UTP20: variants seen among roughly 807,000 people sequenced by gnomAD.
The protein encoded by UTP20 is UTP20 small subunit processome component.
Under a neutral mutation model 329.5 loss-of-function variants are expected in UTP20, and 164 were observed. The observed-to-expected ratio is 0.50, with a 90% CI of 0.44 to 0.57. The LOEUF (loss-of-function observed/expected upper bound fraction) is 0.57. Among genes scored for constraint, UTP20 ranks in the 20% least tolerant of loss-of-function variants. UTP20 has a pLI of 0.00. For synonymous variants in UTP20, 1,151 were observed against 1,159.3 expected, an observed-to-expected ratio of 0.99 and a Z score of 0.14; for missense variants, 3,055 against 3,284.2, an observed-to-expected ratio of 0.93 and a Z score of 1.71.
At chr12:101,369,983 G>A (rs999014294) in intron 49 of UTP20, 92 bp downstream of exon 49, 29 of 1,314,596 alleles carry the variant, frequency 2.2e-5, no homozygotes, top group Non-Finnish European at 2.7e-5. Context: ...GGAGGCTGAG[G>A]TGGGAGGATT....
intron 21 of UTP20, among the ~76,000 whole-genome samples, chr12:101,313,734 CAGGAAGGAGGGA>C: frequency 6.8e-6 from 1 of 147,568 alleles, no homozygotes; most frequent in South Asian, 2.2e-4. Context: ...GGGAGTGGGA[CAGGAAGGAGGGA>C]GGGAAGGAAT....
intron 25 of UTP20, among the ~76,000 whole-genome samples, chr12:101,322,262 T>C (rs1024782353): frequency 2.0e-5 from 3 of 152,204 alleles, no homozygotes; most frequent in African/African-American, 7.2e-5. Context: ...AGTGCTGGGA[T>C]TACAGGCGTG....
chr12:101,367,811 T>C (rs1389706680), intron 47 of UTP20, 49 bp from the exon 48 acceptor site: 1 of 1,144,872 alleles, frequency 8.7e-7, no homozygotes, highest in South Asian at 1.3e-5. Flanking sequence ...ACCTAACTCA[T>C]CTGGTCTAAT....
rs762086991 is a variant in UTP20, at chr12:101,334,412, C to CT, written c.3562-10dup. On this transcript the variant is annotated splice_polypyrimidine_tract_variant and intron_variant, in intron 28 of 61. Transcript: ENST00000261637. Reference sequence around the variant, plus strand: ...TATGTATTTGGTATTCTGTTTTTTACTTTGTCTCCTAGATCAGCAGGCTTG... The same window carrying CT: ...TATGTATTTGGTATTCTGTTTTTTACTTTTGTCTCCTAGATCAGCAGGCTTG... The CT allele has an allele frequency of 5.9e-5, 95 of 1,607,654 alleles. No homozygotes were observed. The African/African-American group carries it at 8.1e-4, about 14-fold the overall frequency.
At chr12:101,355,296 G>GCA (rs938238930) in intron 41 of UTP20, among the ~76,000 whole-genome samples, 178 bp downstream of exon 41, 3 of 152,148 alleles carry the variant, frequency 2.0e-5, no homozygotes, top group African/African-American at 7.2e-5. Context: ...TTATCCTGCT[G>GCA]CAACTAAGCA....
At chr12:101,316,262 A>G (rs1426066794) in intron 21 of UTP20, among the ~76,000 whole-genome samples, 2 of 152,240 alleles carry the variant, frequency 1.3e-5, no homozygotes, top group Non-Finnish European at 2.9e-5. Flanking sequence ...AAAAGGTGAC[A>G]TTTAGTGAGT....
At chr12:101,315,030 T>A (rs1399568342) in intron 21 of UTP20, among the ~76,000 whole-genome samples, 2 of 152,036 alleles carry the variant, frequency 1.3e-5, no homozygotes, top group Non-Finnish European at 2.9e-5. Context: ...AGGCAGAGGT[T>A]GCAGTGAGCC....
intron 25 of UTP20, among the ~76,000 whole-genome samples, chr12:101,323,924 G>A (rs1445528525): frequency 6.6e-6 from 1 of 152,032 alleles, no homozygotes; most frequent in Non-Finnish European, 1.5e-5. Flanking sequence ...GGATCCCGAG[G>A]TCAGGAGTTG....
At position 101,329,401 on chromosome 12, in the gene UTP20, G is replaced by C; in HGVS notation, c.3369G>C (p.Leu1123=). The C allele has an allele frequency of 1.2e-6, 2 of 1,614,066 alleles. No individual in the cohort carries two copies. The highest frequency in any genetic ancestry group is 1.7e-6 in the Non-Finnish European group (2 of 1,179,994). The change falls in exon 27 of 62, where the codon CTG becomes CTC. Residue 1123 remains leucine (L), a synonymous_variant. Coordinates refer to ENST00000261637, the MANE Select transcript of UTP20 (RefSeq NM_014503.3). ...ACCTGCCGAAGATTTTGCAGATACT[G>C]CTCTGTATGACAGCAACCGTATCAC... ...SAYLPKILQI[L]LCMTATVSHI... is the part of the protein sequence containing the mutation.
At chr12:101,328,581 A>G (rs1026944737) in intron 26 of UTP20, among the ~76,000 whole-genome samples, 1 of 152,194 alleles carries the variant, frequency 6.6e-6, no homozygotes, top group South Asian at 2.1e-4. Flanking sequence ...AAGTTACCAG[A>G]TGGAGGACCA....
chr12:101,293,280 A>G, intron 11 of UTP20, 35 bp downstream of exon 11: 1 of 1,587,660 alleles, frequency 6.3e-7, no homozygotes, highest in Non-Finnish European at 8.6e-7. Context: ...TATTTTTAAA[A>G]ACAAATCTGT....
intron 52 of UTP20, 59 bp downstream of exon 52, chr12:101,373,022 A>G: frequency 7.1e-7 from 1 of 1,409,114 alleles, no homozygotes; most frequent in African/African-American, 1.4e-5. Context: ...TCCCTTTAAC[A>G]TGGCGGCTGT....
intron 6 of UTP20, among the ~76,000 whole-genome samples, chr12:101,289,623 T>C (rs1872076129): frequency 6.6e-6 from 1 of 152,134 alleles, no homozygotes; most frequent in African/African-American, 2.4e-5. Context: ...TTGTGATAGC[T>C]TTCAGTGTGT....
At chr12:101,368,025 A>G (rs1481055454) in intron 48 of UTP20, 49 bp downstream of exon 48, 2 of 1,331,280 alleles carry the variant, frequency 1.5e-6, no homozygotes, top group East Asian at 4.6e-5. Context: ...TCTTCAGAAG[A>G]ACTATGTTTT....
intron 21 of UTP20, among the ~76,000 whole-genome samples, chr12:101,314,709 G>T (rs1030332754): frequency 2.6e-5 from 4 of 151,672 alleles, no homozygotes; most frequent in Admixed American, 6.6e-5. Flanking sequence ...AAAACAGCAA[G>T]TTTGGACAGT....
intron 1 of UTP20, 75 bp from the exon 2 acceptor site, chr12:101,281,041 G>A: frequency 8.0e-7 from 1 of 1,257,494 alleles, no homozygotes; most frequent in Non-Finnish European, 1.1e-6. Context: ...ATGCCTACAT[G>A]CAGCATTCAA....
intron 47 of UTP20, among the ~76,000 whole-genome samples, chr12:101,367,648 T>C (rs150159857): frequency 6.6e-6 from 1 of 152,346 alleles, no homozygotes; most frequent in African/African-American, 2.4e-5. Flanking sequence ...AATTGACTGG[T>C]AAACAGTGGT....
chr12:101,305,370 GT>G (rs1872619698), intron 15 of UTP20, among the ~76,000 whole-genome samples: 1 of 151,478 alleles, frequency 6.6e-6, no homozygotes, highest in South Asian at 2.1e-4. Context: ...CATAAGGATG[GT>G]ACCAAGAGGT....
At chr12:101,359,331 G>T (rs1016123457) in intron 43 of UTP20, among the ~76,000 whole-genome samples, 1 of 152,118 alleles carries the variant, frequency 6.6e-6, no homozygotes. Flanking sequence ...CTCCCAAAAT[G>T]CTGGGATTAC....
Sources: gnomAD v4.1 joint callset for allele counts (sites outside exome capture counted in the v4.1 genomes callset) on GRCh38, gnomAD v4.1.1 for gene constraint, MANE v1.5 for transcripts, NCBI Gene and HGNC (gene_info 2026-07-23, HGNC 2026-07-21) for gene names.